The following GNG7 variants were observed in gnomAD, a reference collection of about 807,000 sequenced individuals.
GNG7 encodes guanine nucleotide-binding protein G(I)/G(S)/G(O) subunit gamma-7.
A neutral mutation model predicts 4.0 loss-of-function variants in GNG7; 1 was observed. The ratio of observed to expected loss-of-function variants is 0.25; its 90% CI spans 0.09 to 1.18. The LOEUF is 1.18. GNG7 is among the 50% of genes most tolerant of loss of function. The pLI, the probability that GNG7 is intolerant of heterozygous loss-of-function variation, is 0.50. For synonymous variants in GNG7, 34 were observed against 36.9 expected, an observed-to-expected ratio of 0.92 and a Z score of 0.29; for missense variants, 86 against 91.9, an observed-to-expected ratio of 0.94 and a Z score of 0.26.
intron 2 of GNG7, among the ~76,000 whole-genome samples, chr19:2,644,382 A>ATATATATATATAG (rs1568272569): frequency 4.6e-5 from 5 of 109,160 alleles, no homozygotes; most frequent in Non-Finnish European, 9.0e-5. Flanking sequence ...TATATATATA[A>ATATATATATATAG]TGCTCTATCT....
At chr19:2,648,527 T>TA (rs201987894) in intron 1 of GNG7, among the ~76,000 whole-genome samples, 2 of 152,288 alleles carry the variant, frequency 1.3e-5, no homozygotes, top group East Asian at 1.9e-4. Flanking sequence ...AAAGTTCATT[T>TA]AAAAAAAATG....
chr19:2,555,876 A>C (rs1979526321), intron 2 of GNG7, among the ~76,000 whole-genome samples: 1 of 151,584 alleles, frequency 6.6e-6, no homozygotes, highest in African/African-American at 2.4e-5. Context: ...CAGGCCCCGT[A>C]TCCGTCTCCA....
intron 3 of GNG7, among the ~76,000 whole-genome samples, chr19:2,548,673 C>T (rs540760492): frequency 6.6e-6 from 1 of 152,042 alleles, no homozygotes; most frequent in South Asian, 2.1e-4. Flanking sequence ...TCTGAAATTC[C>T]AGCTACTCGG....
intron 1 of GNG7, among the ~76,000 whole-genome samples, chr19:2,687,849 C>A (rs1002086540): frequency 1.3e-5 from 2 of 151,840 alleles, no homozygotes; most frequent in Admixed American, 6.6e-5. Flanking sequence ...GTGGCACGCA[C>A]CTGTAATCCC....
chr19:2,607,373 C>CA, intron 2 of GNG7, among the ~76,000 whole-genome samples: 1 of 150,864 alleles, frequency 6.6e-6, no homozygotes, highest in Non-Finnish European at 1.5e-5. Flanking sequence ...ACTAAAAATT[C>CA]AAAAAATTAG....
Position 2,567,143 on chromosome 19 carries a change from C to A in GNG7, c.-77-11955G>T, listed in dbSNP as rs796837197. On this transcript the variant is annotated intron_variant, in intron 2 of 4. Coordinates refer to ENST00000382159, the MANE Select transcript of GNG7 (RefSeq NM_052847.3). ...AAAAACAAAAAAAACAAAAAAAAAACAAAAAAAAAAACACAAAAACAATAA... is the reference window on the plus strand; with the variant it reads ...AAAAACAAAAAAAACAAAAAAAAAAAAAAAAAAAAAACACAAAAACAATAA... Among the ~76,000 whole-genome samples, 391 of 130,068 alleles carry A rather than the reference C, an allele frequency of 3.0e-3. 5 individuals carry two copies. Among genetic ancestry groups the A allele is most frequent in the African/African-American group, 8.5e-3 (311 of 36,708 alleles). The allele number at this position is 130,068 out of a possible 152,430, so 85.3% of individuals were successfully genotyped here.
At chr19:2,520,843 G>A (rs1392392349) in intron 3 of GNG7, 118 bp from the exon 4 acceptor site, 13 of 594,948 alleles carry the variant, frequency 2.2e-5, no homozygotes, top group Non-Finnish European at 2.1e-5. Flanking sequence ...TTGCCTCTGG[G>A]TGGGGACCAG....
chr19:2,687,042 G>A (rs537818914), intron 1 of GNG7, among the ~76,000 whole-genome samples: 28 of 149,704 alleles, frequency 1.9e-4, no homozygotes, highest in African/African-American at 6.9e-4. Flanking sequence ...GTGAGCCACC[G>A]CGCCTGGCCA....
chr19:2,616,893 T>G (rs1228604159), intron 2 of GNG7, among the ~76,000 whole-genome samples: 1 of 152,156 alleles, frequency 6.6e-6, no homozygotes, highest in East Asian at 1.9e-4. Context: ...TGCCCGCCTC[T>G]TCCTCTGACT....
At chr19:2,525,495 C>CA (rs1978363295) in intron 3 of GNG7, among the ~76,000 whole-genome samples, 1 of 148,260 alleles carries the variant, frequency 6.7e-6, no homozygotes, top group African/African-American at 2.5e-5. Context: ...GGTACCCCCC[C>CA]ACTCCAGGAC....
intron 1 of GNG7, among the ~76,000 whole-genome samples, chr19:2,649,054 T>C (rs1982741766): frequency 6.6e-6 from 1 of 151,476 alleles, no homozygotes. Context: ...GTTGTAGTTT[T>C]TATGTTCTGG....
intron 1 of GNG7, among the ~76,000 whole-genome samples, chr19:2,675,469 C>T (rs1024086354): frequency 6.6e-6 from 1 of 152,048 alleles, no homozygotes; most frequent in Admixed American, 6.6e-5. Context: ...GGTCGCTTGA[C>T]GGTAAAGAAG....
intron 1 of GNG7, among the ~76,000 whole-genome samples, chr19:2,697,345 T>C (rs923424697): frequency 1.3e-5 from 2 of 152,128 alleles, no homozygotes; most frequent in African/African-American, 4.8e-5. Context: ...CAGGAGCCGA[T>C]GTGGGGGAGC....
chr19:2,574,877 G>A (rs1325737935), intron 2 of GNG7, among the ~76,000 whole-genome samples: 3 of 152,238 alleles, frequency 2.0e-5, no homozygotes, highest in South Asian at 4.2e-4. Context: ...GTCCGAAACC[G>A]CACTTGTTAT....
chr19:2,523,245 A>G (rs1978319340), intron 3 of GNG7, among the ~76,000 whole-genome samples: 1 of 151,356 alleles, frequency 6.6e-6, no homozygotes, highest in South Asian at 2.1e-4. Flanking sequence ...GGAGGGAGAT[A>G]GGTCTCTGTA....
intron 2 of GNG7, among the ~76,000 whole-genome samples, chr19:2,568,421 T>A (rs1349115457): frequency 3.5e-5 from 5 of 143,444 alleles, no homozygotes; most frequent in East Asian, 4.2e-4. Context: ...CACATAGACA[T>A]ACACACATAC....
At chr19:2,568,258 C>G (rs563522278) in intron 2 of GNG7, among the ~76,000 whole-genome samples, 1 of 150,476 alleles carries the variant, frequency 6.6e-6, no homozygotes, top group Non-Finnish European at 1.5e-5. Context: ...TAGACATACA[C>G]ACATATAGAG....
At chr19:2,689,176 AT>A (rs1377484656) in intron 1 of GNG7, among the ~76,000 whole-genome samples, 5 of 148,274 alleles carry the variant, frequency 3.4e-5, no homozygotes, top group African/African-American at 1.0e-4. Context: ...TAAGAAAAAA[AT>A]AAACAAAAAT....
intron 2 of GNG7, among the ~76,000 whole-genome samples, chr19:2,573,826 G>C (rs1295212216): frequency 6.6e-6 from 1 of 152,134 alleles, no homozygotes; most frequent in South Asian, 2.1e-4. Context: ...CTGGGTGACA[G>C]AGCAAGACTC....
Sources: allele counts gnomAD v4.1 joint callset (sites outside exome capture counted in the v4.1 genomes callset), GRCh38; gene constraint gnomAD v4.1.1; transcripts MANE v1.5; gene names NCBI Gene and HGNC (gene_info 2026-07-23, HGNC 2026-07-21).